Variants in CDH11 observed in about 807,000 individuals in gnomAD.
The protein encoded by CDH11 is cadherin 11.
CDH11 carries 11 observed loss-of-function variants against 67.8 expected under a neutral mutation model. The ratio of observed to expected loss-of-function variants is 0.16; its 90% CI spans 0.10 to 0.27. The LOEUF is 0.27. Among genes scored for constraint, CDH11 ranks in the 10% least tolerant of loss-of-function variants. The pLI is 1.00. For missense variants in CDH11, 847 were observed against 1,031.2 expected, an observed-to-expected ratio of 0.82 and a Z score of 2.45; for synonymous variants, 419 against 400.0, an observed-to-expected ratio of 1.05 and a Z score of -0.57.
chr16:65,105,126 AT>A (rs35422076), intron 1 of CDH11, among the ~76,000 whole-genome samples: 32,530 of 151,854 alleles, frequency 0.21, 3,760 homozygotes, highest in Middle Eastern at 0.33. Flanking sequence ...AAGTTACAAT[AT>A]TTTTTTTAAC....
intron 3 of CDH11, 82 bp from the exon 4 acceptor site, chr16:64,998,938 G>C: frequency 9.1e-7 from 1 of 1,101,262 alleles, no homozygotes; most frequent in Non-Finnish European, 1.3e-6. Flanking sequence ...GCAACAATCT[G>C]CTGCGCACAC....
At chr16:65,113,796 C>A (rs1423088149) in intron 1 of CDH11, among the ~76,000 whole-genome samples, 1 of 152,106 alleles carries the variant, frequency 6.6e-6, no homozygotes, top group Admixed American at 6.5e-5. Context: ...CTGTGGAACA[C>A]TAGAATGCGT....
chr16:64,971,244 T>C (rs2032916710), intron 11 of CDH11, among the ~76,000 whole-genome samples: 1 of 152,158 alleles, frequency 6.6e-6, no homozygotes, highest in African/African-American at 2.4e-5. Context: ...TTGATATCAA[T>C]ATTCATAAAG....
At position 65,098,515 on chromosome 16, in the gene CDH11, A is replaced by AGTGTGT. The variant is rs35258390; in HGVS notation, c.-298+23359_-298+23364dup. Among the ~76,000 whole-genome samples, 354 of 148,434 alleles carry AGTGTGT rather than the reference A, an allele frequency of 2.4e-3. 2 individuals are homozygous for AGTGTGT. Among genetic ancestry groups the AGTGTGT allele is most frequent in the African/African-American group, 7.9e-3 (321 of 40,586 alleles). On this transcript the variant is annotated intron_variant, in intron 1 of 12. Transcript: ENST00000268603. Reference sequence around the variant, plus strand: ...ATCGCAGATTGCAACTGTGTCTTCAAGTGTGTGTGTGTGTGTGTGTGTGCG... The same window carrying AGTGTGT: ...ATCGCAGATTGCAACTGTGTCTTCAAGTGTGTGTGTGTGTGTGTGTGTGTGTGTGCG...
chr16:64,955,050 T>C (rs917644486), intron 11 of CDH11, among the ~76,000 whole-genome samples: 1 of 150,702 alleles, frequency 6.6e-6, no homozygotes, highest in Admixed American at 6.6e-5. Context: ...ATCAAGACCA[T>C]ACTGGCTAAT....
intron 8 of CDH11, among the ~76,000 whole-genome samples, chr16:64,976,479 T>C (rs982361542): frequency 6.6e-6 from 1 of 152,104 alleles, no homozygotes; most frequent in South Asian, 2.1e-4. Flanking sequence ...GCCTCCATTA[T>C]ATGTCCAAAG....
chr16:65,107,722 A>C (rs1299031011), intron 1 of CDH11, among the ~76,000 whole-genome samples: 1 of 152,200 alleles, frequency 6.6e-6, no homozygotes, highest in Non-Finnish European at 1.5e-5. Context: ...CTGTGCATTC[A>C]CATCCAGGTG....
intron 1 of CDH11, among the ~76,000 whole-genome samples, chr16:65,095,570 A>C: frequency 6.6e-6 from 1 of 152,080 alleles, no homozygotes; most frequent in East Asian, 1.9e-4. Context: ...AGTGTGAAAA[A>C]TCCTCCTAGA....
chr16:65,110,063 G>A (rs776406363), intron 1 of CDH11, among the ~76,000 whole-genome samples: 7 of 152,044 alleles, frequency 4.6e-5, no homozygotes, highest in Non-Finnish European at 8.8e-5. Context: ...TAAAGATGAG[G>A]TTTCATCGTA....
chr16:64,988,444 AT>A, intron 6 of CDH11, 100 bp from the exon 7 acceptor site: 1 of 1,112,656 alleles, frequency 9.0e-7, no homozygotes, highest in South Asian at 1.6e-5. Context: ...AGGATTTGAA[AT>A]TGAACTTTCT....
intron 11 of CDH11, among the ~76,000 whole-genome samples, chr16:64,970,099 A>G (rs2071962074): frequency 6.6e-6 from 1 of 152,272 alleles, no homozygotes. Context: ...TTCTTTAAAA[A>G]CACGTTTTTC....
At chr16:65,062,075 A>G (rs1190299911) in intron 1 of CDH11, among the ~76,000 whole-genome samples, 2 of 152,218 alleles carry the variant, frequency 1.3e-5, no homozygotes, top group Admixed American at 1.3e-4. Context: ...TGGCTATAAA[A>G]TAGGGCACTA....
In CDH11 at chr16:65,086,546, G is replaced by C. The variant is rs551369569; in HGVS notation, c.-297-32618C>G. On this transcript the variant is annotated intron_variant, in intron 1 of 12. Coordinates refer to ENST00000268603, the MANE Select transcript of CDH11 (RefSeq NM_001797.4). The stretch of plus-strand genomic sequence containing the variant: ...AAGGCACCTTCCTGTAAAGAAAGCT[G>C]TTATGATGTACAGAATGAGATAGCA... Among the ~76,000 whole-genome samples the C allele has an allele frequency of 2.0e-5, 3 of 152,342 alleles. No homozygotes were observed. In the South Asian group the frequency reaches 6.2e-4, roughly 32 times the overall value.
In CDH11 at chr16:64,946,854, T is replaced by A; in HGVS notation, c.*749A>T. On this transcript the variant is annotated 3_prime_UTR_variant, in exon 13 of 13. Transcript: ENST00000268603. Reference sequence around the variant, plus strand: ...TCATATTAAAGCAACAGTACAATGTTCATAAAATATAAGTGTGATGCCGTA... The same window carrying A: ...TCATATTAAAGCAACAGTACAATGTACATAAAATATAAGTGTGATGCCGTA... 1 of 849,312 alleles carries A rather than the reference T, an allele frequency of 1.2e-6. No homozygotes were observed. The highest frequency in any genetic ancestry group is 1.4e-6 in the Non-Finnish European group (1 of 694,830). The allele number at this position is 849,312 out of a possible 1,614,324, so 52.6% of individuals were successfully genotyped here.
intron 2 of CDH11, among the ~76,000 whole-genome samples, chr16:65,036,631 T>C (rs576282833): frequency 6.6e-6 from 1 of 152,322 alleles, no homozygotes; most frequent in South Asian, 2.1e-4. Context: ...GCAGCCATCC[T>C]GCCTGCAGGA....
chr16:65,120,048 T>G (rs185127112), intron 1 of CDH11, among the ~76,000 whole-genome samples: 1 of 152,334 alleles, frequency 6.6e-6, no homozygotes, highest in Admixed American at 6.5e-5. Flanking sequence ...GCCACAACTC[T>G]GTCCCTTTGT....
At chr16:65,042,468 A>G (rs2073883402) in intron 2 of CDH11, among the ~76,000 whole-genome samples, 1 of 152,136 alleles carries the variant, frequency 6.6e-6, no homozygotes, top group African/African-American at 2.4e-5. Flanking sequence ...TAGAAAATGC[A>G]AAGTCCCTGG....
intron 9 of CDH11, 47 bp downstream of exon 9, chr16:64,972,857 G>T: frequency 1.3e-6 from 2 of 1,598,854 alleles, no homozygotes; most frequent in South Asian, 1.1e-5. Flanking sequence ...AGTCTGAAGC[G>T]ATAATACTTG....
At chr16:65,102,013 A>T (rs183939616) in intron 1 of CDH11, among the ~76,000 whole-genome samples, 1 of 152,314 alleles carries the variant, frequency 6.6e-6, no homozygotes, top group Non-Finnish European at 1.5e-5. Context: ...GACATATTGC[A>T]TTCATACAAT....
Sources: allele counts gnomAD v4.1 joint callset (sites outside exome capture counted in the v4.1 genomes callset), GRCh38; gene constraint gnomAD v4.1.1; transcripts MANE v1.5; gene names NCBI Gene and HGNC (gene_info 2026-07-23, HGNC 2026-07-21).